Variants in SINHCAF observed in about 807,000 individuals in gnomAD.
SINHCAF encodes SIN3-HDAC complex associated factor, also known as SIN3-HDAC complex-associated factor.
In SINHCAF, 3 loss-of-function variants were observed where a neutral mutation model predicts 25.8. The ratio of observed to expected loss-of-function variants is 0.12; its 90% CI spans 0.05 to 0.30. The LOEUF (loss-of-function observed/expected upper bound fraction) is 0.30, where lower values mean the gene tolerates loss of function less well. Ranked by LOEUF, SINHCAF falls within the 10% of genes least tolerant of loss-of-function variation. SINHCAF has a pLI of 1.00. For missense variants in SINHCAF, 121 were observed against 262.3 expected, an observed-to-expected ratio of 0.46 and a Z score of 3.72; for synonymous variants, 70 against 85.5, an observed-to-expected ratio of 0.82 and a Z score of 1.00.
intron 2 of SINHCAF, among the ~76,000 whole-genome samples, chr12:31,297,463 C>A (rs911179696): frequency 7.2e-6 from 1 of 138,212 alleles, no homozygotes; most frequent in East Asian, 2.1e-4. Flanking sequence ...CCCGGTCAAG[C>A]GTAATTTTTT....
At chr12:31,302,357 T>C (rs141179002) in intron 1 of SINHCAF, among the ~76,000 whole-genome samples, 10 of 152,018 alleles carry the variant, frequency 6.6e-5, no homozygotes, top group Non-Finnish European at 1.2e-4. Flanking sequence ...GTGAATTTTA[T>C]GGTACGTGAA....
intron 5 of SINHCAF, 109 bp from the exon 6 acceptor site, chr12:31,282,980 T>G: frequency 1.2e-6 from 1 of 802,196 alleles, no homozygotes; most frequent in Non-Finnish European, 1.9e-6. Flanking sequence ...AGAGTTGTGC[T>G]TCTACAATCT....
At chr12:31,312,604 T>G (rs1281628558) in intron 1 of SINHCAF, among the ~76,000 whole-genome samples, 1 of 152,226 alleles carries the variant, frequency 6.6e-6, no homozygotes, top group African/African-American at 2.4e-5. Flanking sequence ...TGATTCCAAA[T>G]GGGTCCTAGA....
intron 1 of SINHCAF, among the ~76,000 whole-genome samples, chr12:31,320,338 T>C (rs1372084517): frequency 1.3e-5 from 2 of 152,224 alleles, no homozygotes; most frequent in Admixed American, 1.3e-4. Flanking sequence ...TGAGACGGCT[T>C]ACCCTCTATC....
rs1937822830 is a variant in SINHCAF at position 31,282,004 on chromosome 12, C to G, written c.*708G>C. On this transcript the variant is annotated 3_prime_UTR_variant, in exon 6 of 6. Transcript: ENST00000337682. ...AATATTTCAAAATTATTAACAACTA[C>G]CTCTAGGGGCAAGTTCATGTTACTG... The G allele has an allele frequency of 6.6e-6, 1 of 152,516 alleles. No individual in the cohort carries two copies. The highest frequency in any genetic ancestry group is 2.1e-4 in the South Asian group (1 of 4,830). 9.4% of individuals were successfully genotyped at this position (152,516 alleles called of 1,614,324 possible).
At chr12:31,321,834 CT>C (rs1486479865) in intron 1 of SINHCAF, among the ~76,000 whole-genome samples, 1 of 152,108 alleles carries the variant, frequency 6.6e-6, no homozygotes, top group Non-Finnish European at 1.5e-5. Context: ...CATAAGAGCC[CT>C]GTATAGTTGG....
At chr12:31,293,683 GC>G (rs1407059832) in intron 4 of SINHCAF, 121 bp downstream of exon 4, 2 of 740,658 alleles carry the variant, frequency 2.7e-6, no homozygotes, top group East Asian at 6.0e-5. Context: ...AGTCAACGTT[GC>G]CTTCCAGTGC....
intron 1 of SINHCAF, among the ~76,000 whole-genome samples, chr12:31,307,414 G>A (rs993457329): frequency 1.3e-5 from 2 of 152,046 alleles, no homozygotes; most frequent in African/African-American, 4.8e-5. Context: ...AATTAGCCAG[G>A]TGCAGTGGTG....
At chr12:31,313,815 AT>A (rs1399222497) in intron 1 of SINHCAF, among the ~76,000 whole-genome samples, 2 of 151,688 alleles carry the variant, frequency 1.3e-5, no homozygotes, top group African/African-American at 4.8e-5. Flanking sequence ...CGCCCGGCTA[AT>A]TTTTTGTATT....
Position 31,282,493 on chromosome 12 carries a change from G to A in SINHCAF, c.*219C>T. On this transcript the variant is annotated 3_prime_UTR_variant, in exon 6 of 6. Transcript: ENST00000337682. Reference sequence around the variant, plus strand: ...AAAAATTAGCCGGGTCTGGTGGCGGGCACCTATAAACCCAGCTACTTGGGA... The same window carrying A: ...AAAAATTAGCCGGGTCTGGTGGCGGACACCTATAAACCCAGCTACTTGGGA... The A allele has an allele frequency of 2.7e-6, 1 of 375,200 alleles. No homozygotes were observed. The highest frequency in any genetic ancestry group is 4.7e-6 in the Non-Finnish European group (1 of 210,808). 23.2% of individuals were successfully genotyped at this position (375,200 alleles called of 1,614,324 possible).
At position 31,309,685 on chromosome 12, in the gene SINHCAF, A is replaced by ATTTT. The variant is rs1555115744; in HGVS notation, c.-20-11462_-20-11461insAAAA. 4.5e-4 allele frequency among the ~76,000 whole-genome samples: 43 copies of ATTTT among 95,950 alleles called. 1 individual carries two copies. The highest frequency in any genetic ancestry group is 1.5e-3 in the African/African-American group (38 of 24,670). The allele number at this position is 95,950 out of a possible 152,430, so 62.9% of individuals were successfully genotyped here. A position where few individuals can be genotyped will look rare whatever the true frequency, so the allele number is the denominator to read the frequency against. The stretch of plus-strand genomic sequence containing the variant: ...TGTGATTTTTTTTTTTTTTTTTTTG[A>ATTTT]GACGGAGTCTCACTCTGTCGCCCAG... On this transcript the variant is annotated intron_variant, in intron 1 of 5. Coordinates refer to ENST00000337682, the MANE Select transcript of SINHCAF (RefSeq NM_001135812.2).
At chr12:31,323,512 C>G (rs1166432209) in intron 1 of SINHCAF, among the ~76,000 whole-genome samples, 1 of 152,068 alleles carries the variant, frequency 6.6e-6, no homozygotes, top group Admixed American at 6.6e-5. Context: ...CGGATAGGGT[C>G]CCTGTTTAAC....
intron 4 of SINHCAF, among the ~76,000 whole-genome samples, chr12:31,289,007 G>GA (rs1017191638): frequency 6.6e-5 from 10 of 151,230 alleles, no homozygotes; most frequent in Non-Finnish European, 4.4e-5. Context: ...ATTTGTAACT[G>GA]AAAAAAATAC....
Position 31,324,065 on chromosome 12 carries a change from A to T in SINHCAF, c.-21+1959T>A, listed in dbSNP as rs540316010. The T allele has an allele frequency of 2.2e-6, 1 of 454,042 alleles. No individual in the cohort carries two copies. Among genetic ancestry groups the T allele is most frequent in the African/African-American group, 2.0e-5 (1 of 50,090 alleles). 28.1% of individuals were successfully genotyped at this position (454,042 alleles called of 1,614,324 possible). A position where few individuals can be genotyped will look rare whatever the true frequency, so the allele number is the denominator to read the frequency against. On this transcript the variant is annotated intron_variant, in intron 1 of 5. Coordinates refer to ENST00000337682, the MANE Select transcript of SINHCAF (RefSeq NM_001135812.2). This position sits in a 1 kb window ranked among gnomAD's most constrained non-coding sequence, Gnocchi z 5.5. ...AAATAAGACATCTCGCGTCGGGAGG[A>T]AAGTTCCTGCGGGGGCCGCTCGCCG...
intron 2 of SINHCAF, 28 bp downstream of exon 2, chr12:31,298,046 TAAG>T (rs1310802029): frequency 6.2e-7 from 1 of 1,607,680 alleles, no homozygotes; most frequent in East Asian, 2.2e-5. Flanking sequence ...TTTTTCACTC[TAAG>T]AATAGTACAA....
At chr12:31,307,323 A>G (rs1939070169) in intron 1 of SINHCAF, among the ~76,000 whole-genome samples, 1 of 152,214 alleles carries the variant, frequency 6.6e-6, no homozygotes, top group Non-Finnish European at 1.5e-5. Flanking sequence ...GTGCCACTCA[A>G]GGTGGGCAGA....
intron 1 of SINHCAF, among the ~76,000 whole-genome samples, chr12:31,322,055 C>G (rs552970521): frequency 5.3e-4 from 81 of 152,098 alleles, no homozygotes; most frequent in Admixed American, 5.3e-3. Context: ...TGTGCAAGGA[C>G]AGACAGACTT....
At chr12:31,284,186 A>G (rs1937938986) in intron 5 of SINHCAF, among the ~76,000 whole-genome samples, 1 of 152,192 alleles carries the variant, frequency 6.6e-6, no homozygotes, top group South Asian at 2.1e-4. Context: ...TCATCATTCC[A>G]TACCTTCTCC....
intron 1 of SINHCAF, among the ~76,000 whole-genome samples, chr12:31,322,453 TTTC>T (rs1411265750): frequency 1.3e-5 from 2 of 152,248 alleles, no homozygotes; most frequent in African/African-American, 4.8e-5. Flanking sequence ...AGTTTTTCAT[TTTC>T]TTGACATGCT....
Sources: allele counts gnomAD v4.1 joint callset (sites outside exome capture counted in the v4.1 genomes callset), GRCh38; gene constraint gnomAD v4.1.1; non-coding constraint Gnocchi (gnomAD v3.1); transcripts MANE v1.5; gene names NCBI Gene and HGNC (gene_info 2026-07-23, HGNC 2026-07-21).